RHBDD1: variants seen among roughly 807,000 people sequenced by gnomAD.
The protein encoded by RHBDD1 is rhomboid-related protein 4.
RHBDD1 carries 38 observed loss-of-function variants against 36.3 expected under a neutral mutation model. The observed-to-expected ratio is 1.05, with a 90% CI of 0.81 to 1.37. The LOEUF (loss-of-function observed/expected upper bound fraction) is 1.37, where lower values mean the gene tolerates loss of function less well. Among genes scored for constraint, RHBDD1 ranks in the 40% most tolerant of loss-of-function variants. The pLI is 0.00. For synonymous variants in RHBDD1, 151 were observed against 136.5 expected (o/e 1.11, Z -0.74); for missense variants, 393 against 377.6 (o/e 1.04, Z -0.34).
intron 8 of RHBDD1, among the ~76,000 whole-genome samples, chr2:226,983,747 T>C (rs1487590875): frequency 6.6e-6 from 1 of 152,218 alleles, no homozygotes; most frequent in Non-Finnish European, 1.5e-5. Flanking sequence ...TTTCAAATGG[T>C]CTTTGATTTC....
intron 8 of RHBDD1, among the ~76,000 whole-genome samples, chr2:226,985,893 G>A (rs549169637): frequency 2.6e-4 from 39 of 152,352 alleles, no homozygotes; most frequent in African/African-American, 8.7e-4. Context: ...GTAACTCTTA[G>A]TGGCAAAGGC....
At position 226,922,230 on chromosome 2, in the gene RHBDD1, C is replaced by T. The variant is rs549860599; in HGVS notation, c.856+7879C>T. Among the ~76,000 whole-genome samples, 10 of 102,940 alleles carry T rather than the reference C, an allele frequency of 9.7e-5. No homozygotes were observed. The South Asian group carries it at 2.8e-3, about 29-fold the overall frequency. The allele number at this position is 102,940 out of a possible 152,430, so 67.5% of individuals were successfully genotyped here. The stretch of plus-strand genomic sequence containing the variant: ...TTTTTTTTTTTTTTTTTTTTTGAGA[C>T]GGAGTCTCACTCTGTCGCCCAGGCT... On this transcript the variant is annotated intron_variant, in intron 8 of 8. Transcript: ENST00000392062.
chr2:226,886,574 G>A (rs1161343007), intron 5 of RHBDD1, among the ~76,000 whole-genome samples: 2 of 152,160 alleles, frequency 1.3e-5, no homozygotes, highest in African/African-American at 4.8e-5. Flanking sequence ...ACACAAAGAT[G>A]ACAAGATTAG....
chr2:226,858,959 A>G (rs1037747265), intron 3 of RHBDD1, among the ~76,000 whole-genome samples: 11 of 152,298 alleles, frequency 7.2e-5, no homozygotes, highest in Non-Finnish European at 1.5e-4. Flanking sequence ...TCAGAGATTT[A>G]TTTCTATAAT....
At chr2:226,888,598 C>G (rs1946426185) in intron 5 of RHBDD1, among the ~76,000 whole-genome samples, 1 of 151,850 alleles carries the variant, frequency 6.6e-6, no homozygotes, top group African/African-American at 2.4e-5. Flanking sequence ...TTTATCCTGA[C>G]CTTTGTGTCT....
intron 8 of RHBDD1, among the ~76,000 whole-genome samples, chr2:226,934,615 A>G (rs1424435840): frequency 6.6e-6 from 1 of 152,246 alleles, no homozygotes; most frequent in Non-Finnish European, 1.5e-5. Flanking sequence ...ATTGAAATTT[A>G]TATTATTTCA....
chr2:226,919,935 T>C (rs1949192617), intron 8 of RHBDD1, among the ~76,000 whole-genome samples: 1 of 152,118 alleles, frequency 6.6e-6, no homozygotes, highest in African/African-American at 2.4e-5. Context: ...TTTAACAATA[T>C]TGAGTCTTCC....
intron 8 of RHBDD1, among the ~76,000 whole-genome samples, chr2:226,927,708 A>G (rs780809776): frequency 3.7e-4 from 57 of 152,052 alleles, no homozygotes; most frequent in Admixed American, 2.0e-3. Context: ...ATATTTCTCT[A>G]ATGACTAATG....
chr2:226,993,274 C>G (rs1361879477), intron 8 of RHBDD1, among the ~76,000 whole-genome samples: 2 of 152,228 alleles, frequency 1.3e-5, no homozygotes, highest in Admixed American at 1.3e-4. Context: ...AGCAGTCTTT[C>G]AGCCTCCATG....
intron 8 of RHBDD1, chr2:226,988,516 A>G: frequency 6.6e-7 from 1 of 1,517,242 alleles, no homozygotes; most frequent in Non-Finnish European, 8.8e-7. Context: ...CGAGGTGGAT[A>G]GCAGCTGCCC....
At chr2:226,810,150 A>G in the RHBDD1 span, among the ~76,000 whole-genome samples, 1 of 152,230 alleles carries the variant, frequency 6.6e-6, no homozygotes, top group Non-Finnish European at 1.5e-5. Flanking sequence ...CTAATAGCCT[A>G]CCATTGACCA....
intron 3 of RHBDD1, among the ~76,000 whole-genome samples, chr2:226,847,200 G>C (rs961653702): frequency 4.6e-5 from 7 of 152,156 alleles, no homozygotes; most frequent in Non-Finnish European, 7.3e-5. Context: ...AGTTGCATTT[G>C]AGCAAATTTT....
chr2:226,868,591 G>C (rs1944529244), intron 5 of RHBDD1, among the ~76,000 whole-genome samples: 1 of 152,216 alleles, frequency 6.6e-6, no homozygotes, highest in African/African-American at 2.4e-5. Context: ...AAAGAAGGAA[G>C]ATTTCTATTT....
intron 8 of RHBDD1, among the ~76,000 whole-genome samples, chr2:226,967,702 G>A (rs536025404): frequency 6.6e-6 from 1 of 152,164 alleles, no homozygotes; most frequent in South Asian, 2.1e-4. Context: ...TGTTATAGTG[G>A]AAAGAAGGTA....
intron 3 of RHBDD1, among the ~76,000 whole-genome samples, chr2:226,842,167 T>C (rs527320291): frequency 6.9e-6 from 1 of 144,880 alleles, no homozygotes; most frequent in Non-Finnish European, 1.5e-5. Flanking sequence ...AAATTTAAGT[T>C]CCTTGTAGAC....
At chr2:226,815,123 T>C in the RHBDD1 span, among the ~76,000 whole-genome samples, 1 of 152,220 alleles carries the variant, frequency 6.6e-6, no homozygotes, top group Non-Finnish European at 1.5e-5. Flanking sequence ...CACCATTCTT[T>C]TAAAGTGCGC....
At chr2:226,926,526 C>G (rs1011333847) in intron 8 of RHBDD1, among the ~76,000 whole-genome samples, 4 of 152,080 alleles carry the variant, frequency 2.6e-5, no homozygotes, top group African/African-American at 7.2e-5. Flanking sequence ...ATAGTTAGTT[C>G]TGTGTATTTC....
At chr2:226,956,400 T>C (rs945163291) in intron 8 of RHBDD1, among the ~76,000 whole-genome samples, 4 of 152,142 alleles carry the variant, frequency 2.6e-5, no homozygotes, top group African/African-American at 9.7e-5. Context: ...AGGAGTAGGT[T>C]CCATATTTGA....
intron 7 of RHBDD1, 73 bp downstream of exon 7, chr2:226,908,951 T>G (rs1384914574): frequency 7.3e-6 from 7 of 958,626 alleles, no homozygotes; most frequent in African/African-American, 1.7e-5. Context: ...ACAGAGTACT[T>G]TAGGATACTA....
Sources: allele counts gnomAD v4.1 joint callset (sites outside exome capture counted in the v4.1 genomes callset), GRCh38; gene constraint gnomAD v4.1.1; transcripts MANE v1.5; gene names NCBI Gene and HGNC (gene_info 2026-07-23, HGNC 2026-07-21).